BCR: variants seen among roughly 807,000 people sequenced by gnomAD.
The protein encoded by BCR is BCR activator of RhoGEF and GTPase.
A neutral mutation model predicts 138.6 loss-of-function variants in BCR; 58 were observed. The ratio of observed to expected loss-of-function variants is 0.42; its 90% CI spans 0.34 to 0.52. The LOEUF (loss-of-function observed/expected upper bound fraction) is 0.52. Among genes scored for constraint, BCR ranks in the 20% least tolerant of loss-of-function variants. The pLI, the probability that BCR is intolerant of heterozygous loss-of-function variation, is 0.06. For synonymous variants in BCR, 786 were observed against 730.1 expected, an observed-to-expected ratio of 1.08 and a Z score of -1.23; for missense variants, 1,599 against 1,727.2, an observed-to-expected ratio of 0.93 and a Z score of 1.32.
rs1428771226 is a variant in BCR at position 23,273,754 on chromosome 22, A to G, written c.2095A>G (p.Met699Val). The change falls in exon 8 of 23, where the codon ATG (methionine) becomes GTG (valine). Residue 699 changes from methionine to valine, a missense_variant. Around this residue, in one of 4 missense-constraint regions of BCR, gnomAD observed 590 missense variants for 762.4 expected, o/e 0.77. Transcript: ENST00000305877. ...NEEITPRRQS[M>V]TVKKGEHRQL... is the part of the protein sequence containing the mutation. ...GGAGATCACACCCCGACGGCAGTCC[A>G]TGACGGTGAAGAAGGGAGAGGTGAG... The G allele has an allele frequency of 1.9e-6, 3 of 1,614,106 alleles. No individual in the cohort carries two copies. The highest frequency in any genetic ancestry group is 2.5e-6 in the Non-Finnish European group (3 of 1,180,022).
In BCR at chr22:23,272,940, C is replaced by A. The variant is rs558350141; in HGVS notation, c.1922-141C>A. On this transcript the variant is annotated intron_variant, in intron 6 of 22. Transcript: ENST00000305877. Reference sequence around the variant, plus strand: ...TTCCTGTTGGGTGCTCTAGCCTTGCCCTTGTCACTGCGCAGAGGGGAGATG... The same window carrying A: ...TTCCTGTTGGGTGCTCTAGCCTTGCACTTGTCACTGCGCAGAGGGGAGATG... 30 of 839,540 alleles carry A rather than the reference C, an allele frequency of 3.6e-5. No individual in the cohort carries two copies. In the African/African-American group the frequency reaches 4.3e-4, roughly 12 times the overall value. The allele number at this position is 839,540 out of a possible 1,614,324, so 52.0% of individuals were successfully genotyped here. A position where few individuals can be genotyped will look rare whatever the true frequency, so the allele number is the denominator to read the frequency against.
rs764231334 is a variant in BCR, at chr22:23,181,780, C to T, written c.820C>T (p.Leu274=). Residue 274 remains leucine (L), a synonymous_variant, in exon 1 of 23, where the codon CTG becomes TTG. Coordinates refer to ENST00000305877, the MANE Select transcript of BCR (RefSeq NM_004327.4). ...CGGTAGCAGGCCCCCTTGGCCGCCC[C>T]TGGAGTACCAGCCCTACCAGAGCAT... ...NGGSRPPWPP[L]EYQPYQSIYV... is the part of the protein sequence containing the mutation. The T allele has an allele frequency of 1.4e-5, 22 of 1,607,652 alleles. No homozygotes were observed. The South Asian group carries it at 2.1e-4, about 15-fold the overall frequency.
chr22:23,259,708 G>A (rs1046391486), intron 2 of BCR, among the ~76,000 whole-genome samples: 1 of 152,020 alleles, frequency 6.6e-6, no homozygotes, highest in African/African-American at 2.4e-5. Context: ...GTAGAGACGG[G>A]GTTTCACCAT....
chr22:23,248,486 A>T (rs531849679), intron 1 of BCR, among the ~76,000 whole-genome samples: 1 of 152,004 alleles, frequency 6.6e-6, no homozygotes, highest in South Asian at 2.1e-4. Context: ...CGCAGCACCT[A>T]CCTGGGCCTG....
intron 20 of BCR, among the ~76,000 whole-genome samples, chr22:23,313,631 C>T (rs542701642): frequency 6.6e-6 from 1 of 152,328 alleles, no homozygotes; most frequent in Non-Finnish European, 1.5e-5. Context: ...TCATTCCATG[C>T]TGAGCCTCCC....
chr22:23,230,436 G>A (rs562726218), intron 1 of BCR, among the ~76,000 whole-genome samples: 18 of 152,342 alleles, frequency 1.2e-4, no homozygotes, highest in African/African-American at 3.8e-4. Flanking sequence ...AGCCCACCCA[G>A]TAACTTTCCT....
rs1246620610 is a variant in BCR, at chr22:23,295,073, A to T, written c.2930A>T (p.Tyr977Phe). ...EGSQTLRILC[Y>F]EKCYNKTKIP... ...TCCCAGACCCTGAGGATACTGTGCT[A>T]TGAAAAGTGTTACAACAAGACGAAG... The change falls in exon 16 of 23, where the codon TAT becomes TTT. Residue 977 changes from tyrosine to phenylalanine, a missense_variant. By Grantham distance (22) the Tyr-to-Phe change is conservative. This residue lies in a region of BCR where 590 missense variants were observed against 762.4 expected (regional missense o/e 0.77). Transcript: ENST00000305877. 2 of 1,614,050 alleles carry T rather than the reference A, an allele frequency of 1.2e-6. No homozygotes were observed. Among genetic ancestry groups the T allele is most frequent in the Non-Finnish European group, 8.5e-7 (1 of 1,180,032 alleles).
At chr22:23,256,453 C>T (rs908928263) in intron 2 of BCR, among the ~76,000 whole-genome samples, 2 of 152,166 alleles carry the variant, frequency 1.3e-5, no homozygotes, top group Non-Finnish European at 1.5e-5. Context: ...CCCCAGGACC[C>T]TGTACAGAGG....
intron 1 of BCR, among the ~76,000 whole-genome samples, chr22:23,204,843 A>G (rs2072594098): frequency 6.6e-6 from 1 of 152,018 alleles, no homozygotes; most frequent in Non-Finnish European, 1.5e-5. Flanking sequence ...GCCAGGGCGG[A>G]GGTGATGATG....
At chr22:23,263,303 G>T in intron 4 of BCR, 1 of 1,153,376 alleles carries the variant, frequency 8.7e-7, no homozygotes. Context: ...ACCGCTGGCT[G>T]TGGCACTTCA....
At chr22:23,203,066 C>G (rs2072574960) in intron 1 of BCR, among the ~76,000 whole-genome samples, 1 of 151,568 alleles carries the variant, frequency 6.6e-6, no homozygotes, top group African/African-American at 2.4e-5. Context: ...TGCTGTGTTG[C>G]CCAGGCTGGT....
intron 22 of BCR, 40 bp from the exon 23 acceptor site, chr22:23,315,393 G>A (rs73878678): frequency 1.3e-5 from 21 of 1,593,912 alleles, no homozygotes; most frequent in Admixed American, 3.3e-5. Flanking sequence ...TGTGAGCCCC[G>A]CTCTGAGCCA....
intron 15 of BCR, among the ~76,000 whole-genome samples, 189 bp downstream of exon 15, chr22:23,292,827 A>G (rs1317393756): frequency 6.6e-6 from 1 of 152,038 alleles, no homozygotes; most frequent in Non-Finnish European, 1.5e-5. Context: ...GTTCCTGAAA[A>G]CCTTACCCAT....
intron 16 of BCR, among the ~76,000 whole-genome samples, chr22:23,303,527 A>G (rs1347926099): frequency 6.6e-6 from 1 of 152,256 alleles, no homozygotes; most frequent in African/African-American, 2.4e-5. Context: ...AGGCACCAAT[A>G]GGAGAGAAAC....
rs2074049542 is a variant in BCR at position 23,314,755 on chromosome 22, A to G, written c.3726+41A>G. On this transcript the variant is annotated intron_variant, in intron 22 of 22. Coordinates refer to ENST00000305877, the MANE Select transcript of BCR (RefSeq NM_004327.4). The stretch of plus-strand genomic sequence containing the variant: ...CTCCAGCCCATGCAACCCTGACCTG[A>G]CAGAGGTGGCCTCTGCCTGCCCCAC... 3.7e-6 allele frequency: 6 copies of G among 1,608,174 alleles called. No homozygotes were observed. The East Asian group carries it at 1.1e-4, about 30-fold the overall frequency.
intron 16 of BCR, among the ~76,000 whole-genome samples, chr22:23,308,931 G>A (rs2073977917): frequency 6.6e-6 from 1 of 152,064 alleles, no homozygotes; most frequent in South Asian, 2.1e-4. Flanking sequence ...GTCCTTCTGG[G>A]CCTGATTCTG....
intron 14 of BCR, chr22:23,290,822 CT>C (rs908798722): frequency 3.1e-4 from 69 of 221,644 alleles, no homozygotes; most frequent in South Asian, 7.0e-4. Context: ...ATGGATACTA[CT>C]TTTTTTTTCC....
intron 1 of BCR, among the ~76,000 whole-genome samples, chr22:23,204,853 G>A (rs2072594195): frequency 6.6e-6 from 1 of 152,226 alleles, no homozygotes; most frequent in Non-Finnish European, 1.5e-5. Flanking sequence ...AGGTGATGAT[G>A]TGCAAGCAGG....
At chr22:23,278,123 G>A (rs1301977437) in intron 8 of BCR, among the ~76,000 whole-genome samples, 1 of 152,244 alleles carries the variant, frequency 6.6e-6, no homozygotes, top group Non-Finnish European at 1.5e-5. Flanking sequence ...CCACGTGGTT[G>A]CCTCTCTGTC....
Sources: allele counts gnomAD v4.1 joint callset (sites outside exome capture counted in the v4.1 genomes callset), GRCh38; gene constraint gnomAD v4.1.1; regional missense constraint gnomAD v4.1.1; transcripts MANE v1.5; gene names NCBI Gene and HGNC (gene_info 2026-07-23, HGNC 2026-07-21).